Variants in SLC22A8 observed in about 807,000 individuals in gnomAD.
SLC22A8 encodes solute carrier family 22 member 8, also known as organic anion transporter 3.
SLC22A8 carries 40 observed loss-of-function variants against 48.4 expected under a neutral mutation model. The observed-to-expected ratio is 0.83, with a 90% CI of 0.64 to 1.08. The LOEUF (loss-of-function observed/expected upper bound fraction) is 1.08, where lower values mean the gene tolerates loss of function less well. SLC22A8 is among the 50% of genes least tolerant of loss of function. SLC22A8 has a pLI of 0.00. For missense variants in SLC22A8, 606 were observed against 699.0 expected (o/e 0.87, Z 1.50); for synonymous variants, 268 against 286.3 (o/e 0.94, Z 0.65).
At chr11:63,003,413 G>A (rs1349945942) in intron 2 of SLC22A8, among the ~76,000 whole-genome samples, 1 of 152,116 alleles carries the variant, frequency 6.6e-6, no homozygotes, top group African/African-American at 2.4e-5. Context: ...CAAGCCTGGT[G>A]GTCCGTTTTA....
At chr11:63,008,887 T>G (rs891465971) in intron 2 of SLC22A8, among the ~76,000 whole-genome samples, 1 of 152,138 alleles carries the variant, frequency 6.6e-6, no homozygotes, top group Non-Finnish European at 1.5e-5. Context: ...GTGCCTGATT[T>G]GCAGGGTCAC....
intron 7 of SLC22A8, 193 bp from the exon 8 acceptor site, chr11:62,994,949 A>T: frequency 1.6e-6 from 1 of 626,390 alleles, no homozygotes; most frequent in Non-Finnish European, 2.9e-6. Context: ...GCTGTGATTG[A>T]CTGGTCATGT....
intron 2 of SLC22A8, among the ~76,000 whole-genome samples, chr11:63,001,495 G>A (rs911797500): frequency 3.0e-4 from 46 of 152,266 alleles, no homozygotes; most frequent in Non-Finnish European, 5.0e-4. Context: ...TTTTTACGGC[G>A]CACAATGGAA....
In SLC22A8 at chr11:62,999,420, T is replaced by C. The variant is rs2086464081; in HGVS notation, c.592+268A>G. 4 of 472,778 alleles carry C rather than the reference T, an allele frequency of 8.5e-6. No individual in the cohort carries two copies. The Admixed American group carries it at 1.1e-4, about 13-fold the overall frequency. 29.3% of individuals were successfully genotyped at this position (472,778 alleles called of 1,614,324 possible). A position where few individuals can be genotyped will look rare whatever the true frequency, so the allele number is the denominator to read the frequency against. ...TTCCTGATCTGTAAAATGGGAATAATAGTGTCACTTACTTGCAAGTGGTAT... is the reference window on the plus strand; with the variant it reads ...TTCCTGATCTGTAAAATGGGAATAACAGTGTCACTTACTTGCAAGTGGTAT... On this transcript the variant is annotated intron_variant, in intron 4 of 10. Transcript: ENST00000336232.
chr11:63,009,627 G>A (rs1197272478), intron 2 of SLC22A8, among the ~76,000 whole-genome samples: 1 of 152,186 alleles, frequency 6.6e-6, no homozygotes, highest in African/African-American at 2.4e-5. Flanking sequence ...TAATGTCCTA[G>A]TAAAGCTCAT....
At chr11:62,996,186 C>T in intron 5 of SLC22A8, 34 bp from the exon 6 acceptor site, 1 of 1,566,254 alleles carries the variant, frequency 6.4e-7, no homozygotes, top group Non-Finnish European at 8.7e-7. Context: ...GTGGCTCCTC[C>T]CACTCCAGAG....
In SLC22A8 at chr11:62,999,704, C is replaced by A. The variant is rs750107998; in HGVS notation, c.576G>T (p.Leu192=). 2 of 1,586,414 alleles carry A rather than the reference C, an allele frequency of 1.3e-6. No homozygotes were observed. Among genetic ancestry groups the A allele is most frequent in the Admixed American group, 1.8e-5 (1 of 57,040 alleles). The change falls in exon 4 of 11, where the codon CTG becomes CTT. Residue 192 remains leucine (L), a synonymous_variant. Transcript: ENST00000336232. ...LCGFGISGIT[L]STVILNVEWV... is the part of the protein sequence containing the mutation. Reference sequence around the variant, plus strand: ...GCAGCTCACTCAAGATGACGGTGCTCAGGGTAATGCCTGAGATGCCAAAGC... The same window carrying A: ...GCAGCTCACTCAAGATGACGGTGCTAAGGGTAATGCCTGAGATGCCAAAGC...
At chr11:63,007,567 T>G (rs2086570146) in intron 2 of SLC22A8, among the ~76,000 whole-genome samples, 1 of 152,174 alleles carries the variant, frequency 6.6e-6, no homozygotes, top group African/African-American at 2.4e-5. Flanking sequence ...CCTCAGGTGA[T>G]CCACCTGCCT....
intron 5 of SLC22A8, among the ~76,000 whole-genome samples, chr11:62,996,629 G>A (rs2086423976): frequency 6.6e-6 from 1 of 152,238 alleles, no homozygotes; most frequent in Non-Finnish European, 1.5e-5. Context: ...TGAGGTCAGG[G>A]ACTAGGCTTT....
intron 2 of SLC22A8, among the ~76,000 whole-genome samples, chr11:63,003,476 C>G (rs975766420): frequency 6.6e-6 from 1 of 151,940 alleles, no homozygotes; most frequent in East Asian, 1.9e-4. Context: ...GGAGGAGGGA[C>G]AAAGGTAAAG....
rs1267940570 is a variant in SLC22A8, at chr11:62,999,192, C to G, written c.593-103G>C. 5.0e-6 allele frequency: 5 copies of G among 999,876 alleles called. No homozygotes were observed. In the East Asian group the frequency reaches 1.2e-4, roughly 24 times the overall value. The allele number at this position is 999,876 out of a possible 1,614,324, so 61.9% of individuals were successfully genotyped here. The stretch of plus-strand genomic sequence containing the variant: ...GCATCCCCACGGCTACTGACATCCT[C>G]CCCACGGATGCTGTTGATATCGCCC... On this transcript the variant is annotated intron_variant, in intron 4 of 10. Coordinates refer to ENST00000336232, the MANE Select transcript of SLC22A8 (RefSeq NM_004254.4).
intron 3 of SLC22A8, among the ~76,000 whole-genome samples, 153 bp downstream of exon 3, chr11:63,000,567 A>G (rs954609420): frequency 3.3e-5 from 5 of 151,160 alleles, no homozygotes; most frequent in Admixed American, 2.0e-4. Flanking sequence ...GCTGTGGTCC[A>G]GAAAGGTAGT....
At chr11:62,997,140 GTTA>G (rs2086431031) in intron 5 of SLC22A8, among the ~76,000 whole-genome samples, 1 of 152,256 alleles carries the variant, frequency 6.6e-6, no homozygotes, top group Non-Finnish European at 1.5e-5. Flanking sequence ...ATGGCTTACA[GTTA>G]GTGAGCCTTC....
At chr11:62,998,167 G>T (rs1365570618) in intron 5 of SLC22A8, among the ~76,000 whole-genome samples, 1 of 152,120 alleles carries the variant, frequency 6.6e-6, no homozygotes, top group Non-Finnish European at 1.5e-5. Context: ...GGCCAGGCTG[G>T]TCTCAAACTC....
intron 5 of SLC22A8, among the ~76,000 whole-genome samples, chr11:62,998,062 C>G (rs2086444456): frequency 6.6e-6 from 1 of 152,140 alleles, no homozygotes; most frequent in South Asian, 2.1e-4. Flanking sequence ...AGTGATTCTC[C>G]TGCCTCGGCC....
Position 62,993,880 on chromosome 11 carries a change from T to G in SLC22A8, c.1217-2A>C. 1 of 1,597,652 alleles carries G rather than the reference T, an allele frequency of 6.3e-7. No homozygotes were observed. Among genetic ancestry groups the G allele is most frequent in the South Asian group, 1.1e-5 (1 of 90,746 alleles). Reference sequence around the variant, plus strand: ...ATACTGTCCTCACGGTCTGCAAGTCTGCAGAGGGAAGAAAATGTGGTGGGC... The same window carrying G: ...ATACTGTCCTCACGGTCTGCAAGTCGGCAGAGGGAAGAAAATGTGGTGGGC... On this transcript the variant is annotated splice_acceptor_variant, in intron 8 of 10. Transcript: ENST00000336232. LOFTEE classifies it high-confidence loss of function.
At position 63,007,549 on chromosome 11, in the gene SLC22A8, A is replaced by G. The variant is rs546341601; in HGVS notation, c.334-6726T>C. ...CCATGTTGGACTAGGCTGGTCTCAA[A>G]CTCCTGACCTCAGGTGATCCACCTG... On this transcript the variant is annotated intron_variant, in intron 2 of 10. Coordinates refer to ENST00000336232, the MANE Select transcript of SLC22A8 (RefSeq NM_004254.4). Among the ~76,000 whole-genome samples, 3 of 151,724 alleles carry G rather than the reference A, an allele frequency of 2.0e-5. No individual in the cohort carries two copies. The South Asian group carries it at 6.3e-4, about 32-fold the overall frequency.
At chr11:62,999,663 A>G (rs772256127) in intron 4 of SLC22A8, 25 bp downstream of exon 4, 1 of 1,487,314 alleles carries the variant, frequency 6.7e-7, no homozygotes, top group South Asian at 1.4e-5. Flanking sequence ...CCCAAAGCCC[A>G]GCTCCATGCC....
Position 62,996,009 on chromosome 11 carries a change from C to T in SLC22A8, c.885+20G>A, listed in dbSNP as rs767135607. Reference sequence around the variant, plus strand: ...GGAGCACAGGGGTTCTGCTCCCAGACTATAGTCCTCAGCCCCTACCTCCAA... The same window carrying T: ...GGAGCACAGGGGTTCTGCTCCCAGATTATAGTCCTCAGCCCCTACCTCCAA... On this transcript the variant is annotated intron_variant, in intron 6 of 10. Coordinates refer to ENST00000336232, the MANE Select transcript of SLC22A8 (RefSeq NM_004254.4). The T allele has an allele frequency of 6.2e-7, 1 of 1,614,068 alleles. No homozygotes were observed. Among genetic ancestry groups the T allele is most frequent in the Non-Finnish European group, 8.5e-7 (1 of 1,179,992 alleles).
Sources: allele counts gnomAD v4.1 joint callset (sites outside exome capture counted in the v4.1 genomes callset), GRCh38; gene constraint gnomAD v4.1.1; transcripts MANE v1.5; gene names NCBI Gene and HGNC (gene_info 2026-07-23, HGNC 2026-07-21).